Variants in CCDC91 observed in about 807,000 individuals in gnomAD.
CCDC91 encodes coiled-coil domain containing 91.
CCDC91 carries 48 observed loss-of-function variants against 63.2 expected under a neutral mutation model. The ratio of observed to expected loss-of-function variants is 0.76; its 90% CI spans 0.60 to 0.97. CCDC91 has a LOEUF of 0.97. Among genes scored for constraint, CCDC91 ranks in the 50% least tolerant of loss-of-function variants. CCDC91 has a pLI of 0.00. For synonymous variants in CCDC91, 167 were observed against 165.8 expected, an observed-to-expected ratio of 1.01 and a Z score of -0.06; for missense variants, 500 against 494.6, an observed-to-expected ratio of 1.01 and a Z score of -0.10.
In CCDC91 at chr12:28,257,189, T is replaced by G; in HGVS notation, c.-14-13T>G. ...GTGTGTGCGGGCTTGTTTCAATATCTTATATTTTTCAGGTGCCACTTGAAG... is the reference window on the plus strand; with the variant it reads ...GTGTGTGCGGGCTTGTTTCAATATCGTATATTTTTCAGGTGCCACTTGAAG... On this transcript the variant is annotated splice_polypyrimidine_tract_variant and intron_variant, in intron 1 of 12. Coordinates refer to ENST00000536442, the MANE Select transcript of CCDC91 (RefSeq NM_018318.5). 6.3e-7 allele frequency: 1 copy of G among 1,589,560 alleles called. No individual in the cohort carries two copies. Among genetic ancestry groups the G allele is most frequent in the Non-Finnish European group, 8.6e-7 (1 of 1,158,058 alleles).
At chr12:28,357,765 A>G (rs1188537219) in intron 6 of CCDC91, among the ~76,000 whole-genome samples, 3 of 152,116 alleles carry the variant, frequency 2.0e-5, no homozygotes, top group Non-Finnish European at 4.4e-5. Context: ...TAAAATGAAC[A>G]TATTGGAATA....
intron 12 of CCDC91, among the ~76,000 whole-genome samples, chr12:28,540,701 C>G (rs1942567065): frequency 6.6e-6 from 1 of 152,044 alleles, no homozygotes; most frequent in South Asian, 2.1e-4. Context: ...TCCAATGGTA[C>G]TTTGTCCTTA....
At chr12:28,439,471 T>C (rs1233604602) in intron 8 of CCDC91, among the ~76,000 whole-genome samples, 5 of 152,106 alleles carry the variant, frequency 3.3e-5, no homozygotes, top group Non-Finnish European at 7.4e-5. Flanking sequence ...GTTTAAGCTT[T>C]ATAGAAGGTA....
chr12:28,400,084 C>G (rs1268712313), intron 8 of CCDC91, among the ~76,000 whole-genome samples: 3 of 152,198 alleles, frequency 2.0e-5, no homozygotes, highest in Non-Finnish European at 2.9e-5. Flanking sequence ...AGCAGAGGTT[C>G]TCCATCATGG....
At chr12:28,302,894 A>C (rs556516104) in intron 3 of CCDC91, 2 of 152,276 alleles carry the variant, frequency 1.3e-5, no homozygotes, top group African/African-American at 4.8e-5. Flanking sequence ...TGGTAATTTG[A>C]AGAGTGGGTT....
At chr12:28,375,551 AAAACAAACAAAACT>A (rs760920068) in intron 7 of CCDC91, among the ~76,000 whole-genome samples, 10 of 152,134 alleles carry the variant, frequency 6.6e-5, no homozygotes, top group Non-Finnish European at 1.2e-4. Context: ...AGTACAAAAG[AAAACAAACAAAACT>A]AACCTAATGT....
chr12:28,521,741 C>T (rs1940693386), intron 12 of CCDC91, among the ~76,000 whole-genome samples: 1 of 152,060 alleles, frequency 6.6e-6, no homozygotes, highest in Non-Finnish European at 1.5e-5. Context: ...TTTTGAGATA[C>T]TTCCCATCAA....
chr12:28,463,595 A>G (rs980368673), intron 11 of CCDC91, among the ~76,000 whole-genome samples: 1 of 152,188 alleles, frequency 6.6e-6, no homozygotes, highest in African/African-American at 2.4e-5. Flanking sequence ...AGGACAGATA[A>G]ACACTTTAAG....
intron 1 of CCDC91, among the ~76,000 whole-genome samples, chr12:28,216,540 A>G (rs1943571106): frequency 6.6e-6 from 1 of 151,966 alleles, no homozygotes; most frequent in Non-Finnish European, 1.5e-5. Context: ...GAGGAAGGTA[A>G]TCATAATAAT....
intron 12 of CCDC91, among the ~76,000 whole-genome samples, chr12:28,525,031 T>C (rs1385223738): frequency 3.3e-5 from 5 of 152,160 alleles, no homozygotes; most frequent in Non-Finnish European, 1.5e-5. Flanking sequence ...ATTTTATTTA[T>C]CGTTTCAAAG....
intron 12 of CCDC91, among the ~76,000 whole-genome samples, chr12:28,548,159 T>C (rs1431244775): frequency 6.6e-6 from 1 of 152,166 alleles, no homozygotes; most frequent in Non-Finnish European, 1.5e-5. Context: ...CCCTCTTGTT[T>C]CGTTTACCAT....
At chr12:28,344,712 C>T (rs1308697780) in intron 6 of CCDC91, among the ~76,000 whole-genome samples, 1 of 152,134 alleles carries the variant, frequency 6.6e-6, no homozygotes. Flanking sequence ...TTGTTGTTAT[C>T]TGTTTTACAG....
chr12:28,408,280 C>T (rs532438210), intron 8 of CCDC91, among the ~76,000 whole-genome samples: 13 of 152,216 alleles, frequency 8.5e-5, no homozygotes, highest in African/African-American at 3.1e-4. Context: ...TGATGGCTTC[C>T]AGCTTCATCC....
At chr12:28,298,552 G>A (rs1937667991) in intron 3 of CCDC91, among the ~76,000 whole-genome samples, 1 of 150,832 alleles carries the variant, frequency 6.6e-6, no homozygotes, top group African/African-American at 2.4e-5. Flanking sequence ...TTTTAAGCAG[G>A]TATAGTTATT....
chr12:28,229,524 T>C (rs1944464588), intron 1 of CCDC91, among the ~76,000 whole-genome samples: 1 of 152,196 alleles, frequency 6.6e-6, no homozygotes, highest in African/African-American at 2.4e-5. Flanking sequence ...TAGCTAGCCA[T>C]GTAAACATCA....
chr12:28,380,725 T>C (rs1945248469), intron 7 of CCDC91, among the ~76,000 whole-genome samples: 1 of 152,122 alleles, frequency 6.6e-6, no homozygotes, highest in Non-Finnish European at 1.5e-5. Context: ...GATTATACAG[T>C]AGCATTTGTA....
rs1198823211 is a variant in CCDC91 at position 28,267,674 on chromosome 12, TTA to T, written c.109+8236_109+8237del. ...ATACCCAATTAATATATTAATTATATTATATGTTATATAAATTATTTATTATA... is the reference window on the plus strand; with the variant it reads ...ATACCCAATTAATATATTAATTATATTATGTTATATAAATTATTTATTATA... On this transcript the variant is annotated intron_variant, in intron 3 of 12. Transcript: ENST00000536442. Among the ~76,000 whole-genome samples, 131 of 14,890 alleles carry T rather than the reference TTA, an allele frequency of 8.8e-3. 1 individual carries two copies. The Non-Finnish European group carries it at 0.12, about 14-fold the overall frequency. 9.8% of individuals were successfully genotyped at this position (14,890 alleles called of 152,430 possible).
intron 1 of CCDC91, among the ~76,000 whole-genome samples, chr12:28,246,426 T>C (rs1945740176): frequency 2.6e-5 from 4 of 152,176 alleles, no homozygotes. Context: ...CTTGATATTG[T>C]GATATATTTG....
intron 1 of CCDC91, among the ~76,000 whole-genome samples, chr12:28,238,353 C>T (rs1945106804): frequency 6.6e-6 from 1 of 152,126 alleles, no homozygotes; most frequent in South Asian, 2.1e-4. Context: ...ATCTATCATA[C>T]TGCCTCCTTC....
Sources: gnomAD v4.1 joint callset for allele counts (sites outside exome capture counted in the v4.1 genomes callset) on GRCh38, gnomAD v4.1.1 for gene constraint, MANE v1.5 for transcripts, NCBI Gene and HGNC (gene_info 2026-07-23, HGNC 2026-07-21) for gene names.